KIF18A: variants seen among roughly 807,000 people sequenced by gnomAD.
The protein encoded by KIF18A is kinesin family member 18A.
Under a neutral mutation model 103.3 loss-of-function variants are expected in KIF18A, and 67 were observed. That is an observed-to-expected ratio of 0.65 (90% CI 0.53 to 0.79). The LOEUF (loss-of-function observed/expected upper bound fraction) is 0.79. KIF18A is among the 30% of genes least tolerant of loss of function. KIF18A has a pLI of 0.00. For synonymous variants in KIF18A, 367 were observed against 355.5 expected, an observed-to-expected ratio of 1.03 and a Z score of -0.36; for missense variants, 1,032 against 1,062.5, an observed-to-expected ratio of 0.97 and a Z score of 0.40.
intron 10 of KIF18A, among the ~76,000 whole-genome samples, chr11:28,070,858 T>G (rs772061322): frequency 6.6e-6 from 1 of 152,138 alleles, no homozygotes; most frequent in Non-Finnish European, 1.5e-5. Context: ...CTGGACAACA[T>G]AGAGAGACCG....
chr11:28,092,889 C>T (rs1851323611), intron 3 of KIF18A, among the ~76,000 whole-genome samples: 2 of 152,128 alleles, frequency 1.3e-5, no homozygotes, highest in South Asian at 4.1e-4. Flanking sequence ...ATTGCTTCCC[C>T]TTACCCACTT....
At chr11:28,050,825 T>C (rs986113314) in intron 13 of KIF18A, among the ~76,000 whole-genome samples, 1 of 151,870 alleles carries the variant, frequency 6.6e-6, no homozygotes, top group Non-Finnish European at 1.5e-5. Flanking sequence ...TCTTAGTCAA[T>C]ACACTTGTAG....
At chr11:28,062,312 C>T (rs1177207272) in intron 12 of KIF18A, 83 bp downstream of exon 12, 2 of 1,287,620 alleles carry the variant, frequency 1.6e-6, no homozygotes, top group Non-Finnish European at 2.1e-6. Flanking sequence ...ACATAAAACT[C>T]AACTTTCTGG....
chr11:28,083,070 T>G lies in KIF18A; in HGVS notation c.1149+99A>C, dbSNP rs1851185359. On this transcript the variant is annotated intron_variant, in intron 8 of 16. Coordinates refer to ENST00000263181, the MANE Select transcript of KIF18A (RefSeq NM_031217.4). ...TAACTGAATTAACCAGATTTTAATT[T>G]TAATAGAAAAATATGTTAAATTTTT... 2.7e-6 allele frequency: 4 copies of G among 1,479,866 alleles called. No homozygotes were observed. In the South Asian group the frequency reaches 5.3e-5, roughly 19 times the overall value. 91.7% of individuals were successfully genotyped at this position (1,479,866 alleles called of 1,614,324 possible).
chr11:28,059,303 G>A, intron 12 of KIF18A, 142 bp from the exon 13 acceptor site: 1 of 679,062 alleles, frequency 1.5e-6, no homozygotes, highest in Non-Finnish European at 2.5e-6. Flanking sequence ...GTCTCAGATT[G>A]TCTTCACTTG....
rs541462064 is a variant in KIF18A, at chr11:28,040,600, G to A, written c.1949-3936C>T. Among the ~76,000 whole-genome samples the A allele has an allele frequency of 2.9e-3, 442 of 151,766 alleles. 1 individual carries two copies. The highest frequency in any genetic ancestry group is 4.8e-3 in the Non-Finnish European group (326 of 67,794). ...ATAGCCCATAAAATACCCTAGCAAC[G>A]TGGGTGCTACACAGAAGGGAACAGG... On this transcript the variant is annotated intron_variant, in intron 13 of 16. Coordinates refer to ENST00000263181, the MANE Select transcript of KIF18A (RefSeq NM_031217.4).
chr11:28,079,062 T>G (rs35606874), intron 9 of KIF18A, among the ~76,000 whole-genome samples: 6 of 152,074 alleles, frequency 3.9e-5, no homozygotes, highest in African/African-American at 7.2e-5. Flanking sequence ...AAAGTCAGGT[T>G]GAAATATGAA....
intron 13 of KIF18A, among the ~76,000 whole-genome samples, chr11:28,053,219 A>G (rs1234384847): frequency 6.6e-6 from 1 of 152,042 alleles, no homozygotes; most frequent in East Asian, 1.9e-4. Flanking sequence ...ATTTGATGAC[A>G]TTTTTCTTTT....
chr11:28,023,689 T>C (rs890421345), intron 16 of KIF18A, 52 bp downstream of exon 16: 11 of 956,246 alleles, frequency 1.2e-5, no homozygotes, highest in Non-Finnish European at 1.5e-5. Flanking sequence ...AAGTACTATA[T>C]GTGTGTTACA....
intron 9 of KIF18A, among the ~76,000 whole-genome samples, chr11:28,079,761 G>A (rs1851140258): frequency 1.2e-5 from 1 of 85,770 alleles, no homozygotes; most frequent in African/African-American, 4.6e-5. Context: ...GATTCCTTAT[G>A]GAGTAATTTC....
intron 13 of KIF18A, among the ~76,000 whole-genome samples, chr11:28,046,248 T>C (rs1850631780): frequency 6.6e-6 from 1 of 151,204 alleles, no homozygotes; most frequent in South Asian, 2.1e-4. Context: ...CATGCACACG[T>C]ATGTTTATTG....
chr11:28,066,195 TAC>T (rs1376556872), intron 11 of KIF18A, among the ~76,000 whole-genome samples: 4 of 152,170 alleles, frequency 2.6e-5, no homozygotes, highest in South Asian at 2.1e-4. Flanking sequence ...GCTTTAGATA[TAC>T]AGTCTCCAAA....
intron 1 of KIF18A, among the ~76,000 whole-genome samples, chr11:28,098,967 C>T (rs551668226): frequency 2.0e-5 from 3 of 151,858 alleles, no homozygotes; most frequent in African/African-American, 7.2e-5. Flanking sequence ...TAGGACGATC[C>T]TGCAATCCCA....
chr11:28,087,671 C>T (rs927608926), intron 6 of KIF18A, among the ~76,000 whole-genome samples: 5 of 152,182 alleles, frequency 3.3e-5, no homozygotes, highest in Non-Finnish European at 5.9e-5. Flanking sequence ...ACACTGTCTT[C>T]CACAATGGTT....
intron 1 of KIF18A, among the ~76,000 whole-genome samples, chr11:28,099,096 C>CA (rs1419453303): frequency 6.6e-6 from 1 of 152,080 alleles, no homozygotes; most frequent in Non-Finnish European, 1.5e-5. Flanking sequence ...AAGTGCCTAT[C>CA]AACAGATAAA....
At chr11:28,071,973 C>T (rs996135290) in intron 10 of KIF18A, among the ~76,000 whole-genome samples, 3 of 152,040 alleles carry the variant, frequency 2.0e-5, no homozygotes, top group Admixed American at 6.6e-5. Flanking sequence ...CTAAATGAAA[C>T]CTCAAAAAGT....
chr11:28,091,217 AAT>A (rs1416670566), intron 4 of KIF18A, among the ~76,000 whole-genome samples, 190 bp downstream of exon 4: 5 of 152,188 alleles, frequency 3.3e-5, no homozygotes, highest in African/African-American at 1.2e-4. Context: ...AAATTTAAAA[AAT>A]GTTTTTAAAA....
intron 13 of KIF18A, among the ~76,000 whole-genome samples, chr11:28,040,754 T>A (rs532532167): frequency 6.6e-6 from 1 of 151,890 alleles, no homozygotes; most frequent in South Asian, 2.1e-4. Flanking sequence ...TACTTAAATA[T>A]AAGAGGTAGT....
At chr11:28,048,204 C>T (rs1718948203) in intron 13 of KIF18A, among the ~76,000 whole-genome samples, 1 of 152,108 alleles carries the variant, frequency 6.6e-6, no homozygotes, top group African/African-American at 2.4e-5. Flanking sequence ...GGGAATCTGA[C>T]AATGCATATC....
Sources: gnomAD v4.1 joint callset for allele counts (sites outside exome capture counted in the v4.1 genomes callset) on GRCh38, gnomAD v4.1.1 for gene constraint, MANE v1.5 for transcripts, NCBI Gene and HGNC (gene_info 2026-07-23, HGNC 2026-07-21) for gene names.